The following SNX8 variants were observed in gnomAD, a reference collection of about 807,000 sequenced individuals.
SNX8 encodes the protein sorting nexin-8.
A neutral mutation model predicts 51.6 loss-of-function variants in SNX8; 25 were observed. The observed-to-expected ratio is 0.48, with a 90% CI of 0.35 to 0.68. The LOEUF (loss-of-function observed/expected upper bound fraction) is 0.68. Among genes scored for constraint, SNX8 ranks in the 30% least tolerant of loss-of-function variants. SNX8 has a pLI of 0.00. For missense variants in SNX8, 695 were observed against 624.0 expected (o/e 1.11, Z -1.21); for synonymous variants, 324 against 277.0 (o/e 1.17, Z -1.68).
chr7:2,281,218 A>G (rs1016867231), intron 1 of SNX8, among the ~76,000 whole-genome samples: 6 of 152,138 alleles, frequency 3.9e-5, no homozygotes, highest in African/African-American at 1.4e-4. Flanking sequence ...TGAGCCCAGG[A>G]GTTAAAGACC....
At chr7:2,311,449 C>A (rs1274188412) in intron 1 of SNX8, among the ~76,000 whole-genome samples, 1 of 152,144 alleles carries the variant, frequency 6.6e-6, no homozygotes, top group African/African-American at 2.4e-5. Flanking sequence ...TCTCTAGCGC[C>A]TGGGCTCGGG....
chr7:2,316,787 A>G (rs980495463), upstream of SNX8, among the ~76,000 whole-genome samples: 18 of 151,894 alleles, frequency 1.2e-4, no homozygotes, highest in Non-Finnish European at 8.8e-5. Flanking sequence ...TCATCCACCC[A>G]CCCACTCACT....
At chr7:2,286,782 C>G (rs1406606462) in intron 1 of SNX8, among the ~76,000 whole-genome samples, 5 of 151,982 alleles carry the variant, frequency 3.3e-5, no homozygotes, top group Admixed American at 6.5e-5. Flanking sequence ...TCCCAAAGTG[C>G]TGGGATTACA....
At position 2,278,133 on chromosome 7, in the gene SNX8, G is replaced by C; in HGVS notation, c.267C>G (p.Phe89Leu). The C allele has an allele frequency of 1.9e-6, 3 of 1,614,140 alleles. No homozygotes were observed. Among genetic ancestry groups the C allele is most frequent in the Non-Finnish European group, 2.5e-6 (3 of 1,180,014 alleles). The change falls in exon 2 of 11, where the codon TTC becomes TTG. Residue 89 changes from phenylalanine (F) to leucine (L), a missense_variant. Transcript: ENST00000222990. ...AAACCTCATACTCCACATGCTTCAG[G>C]AAGAGGCCCTTCTTCTCCGGAATGA... is the stretch of plus-strand genomic sequence containing the variant. The part of the protein sequence containing the change: ...VELIPEKKGL[F>L]LKHVEYEVSS...
chr7:2,345,146 A>T (rs189778002), intron 1 of SNX8, among the ~76,000 whole-genome samples: 59 of 152,280 alleles, frequency 3.9e-4, no homozygotes, highest in Admixed American at 9.2e-4. Flanking sequence ...CAAGCATAAG[A>T]GTCTTCACTG....
At chr7:2,337,906 C>G (rs1166178735) in intron 1 of SNX8, among the ~76,000 whole-genome samples, 1 of 148,016 alleles carries the variant, frequency 6.8e-6, no homozygotes, top group African/African-American at 2.5e-5. Flanking sequence ...ATATCAAAAG[C>G]TTAAACTTCA....
chr7:2,333,334 G>A (rs1050514203), intron 1 of SNX8, among the ~76,000 whole-genome samples: 4 of 152,246 alleles, frequency 2.6e-5, no homozygotes, highest in African/African-American at 7.2e-5. Flanking sequence ...AGGCTGAGGC[G>A]GGTGGATCCA....
intron 1 of SNX8, among the ~76,000 whole-genome samples, chr7:2,342,659 A>G (rs1207601813): frequency 1.3e-5 from 2 of 151,738 alleles, no homozygotes; most frequent in Non-Finnish European, 2.9e-5. Context: ...ATCTCCCAAA[A>G]AAAAAAAAAG....
chr7:2,336,315 C>T (rs990113139), intron 1 of SNX8, among the ~76,000 whole-genome samples: 3 of 151,818 alleles, frequency 2.0e-5, no homozygotes, highest in Non-Finnish European at 2.9e-5. Flanking sequence ...GCAGGAGAAT[C>T]GCTTGAACTG....
chr7:2,342,268 GAGAAA>G (rs954337988), intron 1 of SNX8, among the ~76,000 whole-genome samples: 12 of 152,052 alleles, frequency 7.9e-5, no homozygotes, highest in African/African-American at 1.4e-4. Flanking sequence ...GGCCTGGAAT[GAGAAA>G]AGAAATGTTC....
intron 1 of SNX8, among the ~76,000 whole-genome samples, chr7:2,344,010 G>C (rs921775062): frequency 7.0e-6 from 1 of 143,050 alleles, no homozygotes; most frequent in African/African-American, 2.6e-5. Flanking sequence ...TGCAGCCTGG[G>C]CAACAAGAGC....
chr7:2,256,839 T>C, intron 10 of SNX8, 35 bp downstream of exon 10: 1 of 1,590,778 alleles, frequency 6.3e-7, no homozygotes, highest in Non-Finnish European at 8.6e-7. Flanking sequence ...AGAAAGGCCG[T>C]GGCCGAGACG....
chr7:2,307,992 GT>G (rs1375910323), intron 1 of SNX8: 10 of 152,118 alleles, frequency 6.6e-5, no homozygotes, highest in Non-Finnish European at 1.3e-4. Flanking sequence ...CAGTGATTCA[GT>G]TAGTTCCTCT....
chr7:2,317,777 C>A (rs1796780148), upstream of SNX8, among the ~76,000 whole-genome samples: 2 of 152,154 alleles, frequency 1.3e-5, no homozygotes, highest in Admixed American at 1.3e-4. Flanking sequence ...CCAGGACCTC[C>A]ATGCAAGCAG....
At chr7:2,336,919 G>A (rs987028364) in intron 1 of SNX8, among the ~76,000 whole-genome samples, 1 of 151,456 alleles carries the variant, frequency 6.6e-6, no homozygotes, top group Non-Finnish European at 1.5e-5. Context: ...TGAGGCATGA[G>A]AATCGCTTGA....
Position 2,254,146 on chromosome 7 carries a change from T to G in SNX8, c.*910A>C, listed in dbSNP as rs1484496481. On this transcript the variant is annotated 3_prime_UTR_variant, in exon 11 of 11. Transcript: ENST00000222990. ...GGCCGGCAAGTGCGTGACGGGAGGC[T>G]GGGAGGAGGGCTCTAGGTGCCTCAG... The G allele has an allele frequency of 6.6e-6, 1 of 152,396 alleles. No individual in the cohort carries two copies. The highest frequency in any genetic ancestry group is 1.5e-5 in the Non-Finnish European group (1 of 68,212). The allele number at this position is 152,396 out of a possible 1,614,324, so 9.4% of individuals were successfully genotyped here.
intron 1 of SNX8, among the ~76,000 whole-genome samples, chr7:2,304,360 G>A (rs372697500): frequency 1.3e-5 from 2 of 149,690 alleles, no homozygotes; most frequent in East Asian, 2.0e-4. Flanking sequence ...CTGGCTAACA[G>A]GGTGAAACCC....
At chr7:2,292,429 T>C (rs2115168933) in intron 1 of SNX8, among the ~76,000 whole-genome samples, 2 of 151,848 alleles carry the variant, frequency 1.3e-5, no homozygotes, top group Non-Finnish European at 2.9e-5. Flanking sequence ...TTTTTTTTTT[T>C]AAGACGGAGT....
chr7:2,308,683 A>T (rs1796599970), intron 1 of SNX8, among the ~76,000 whole-genome samples: 1 of 151,618 alleles, frequency 6.6e-6, no homozygotes, highest in Non-Finnish European at 1.5e-5. Flanking sequence ...AAAAAAAAAA[A>T]AAAAGGGTCA....
Sources: gnomAD v4.1 joint callset for allele counts (sites outside exome capture counted in the v4.1 genomes callset) on GRCh38, gnomAD v4.1.1 for gene constraint, MANE v1.5 for transcripts, NCBI Gene and HGNC (gene_info 2026-07-23, HGNC 2026-07-21) for gene names.